FAM193A: variants seen among roughly 807,000 people sequenced by gnomAD.
The protein encoded by FAM193A is protein FAM193A.
FAM193A carries 22 observed loss-of-function variants against 126.5 expected under a neutral mutation model. That is an observed-to-expected ratio of 0.17 (90% CI 0.12 to 0.25). FAM193A has a LOEUF of 0.25. FAM193A is among the 10% of genes least tolerant of loss of function. The pLI is 1.00. For synonymous variants in FAM193A, 761 were observed against 646.8 expected, an observed-to-expected ratio of 1.18 and a Z score of -2.68; for missense variants, 1,675 against 1,672.8, an observed-to-expected ratio of 1.00 and a Z score of -0.02.
At chr4:2,659,108 C>T (rs754183173) in intron 8 of FAM193A, among the ~76,000 whole-genome samples, 17 of 152,134 alleles carry the variant, frequency 1.1e-4, no homozygotes, top group Non-Finnish European at 2.1e-4. Context: ...CAGAGTGGGT[C>T]CAGAGTTCCT....
At chr4:2,669,040 G>A (rs1477387016) in intron 12 of FAM193A, among the ~76,000 whole-genome samples, 10 of 151,766 alleles carry the variant, frequency 6.6e-5, no homozygotes, top group African/African-American at 1.9e-4. Context: ...ATGACATTTC[G>A]CCATGTTGGC....
chr4:2,653,272 T>C (rs985255570), intron 7 of FAM193A, among the ~76,000 whole-genome samples: 6 of 152,288 alleles, frequency 3.9e-5, no homozygotes, highest in East Asian at 3.9e-4. Context: ...ATTATTGCTG[T>C]TGTTCTAGGG....
chr4:2,570,860 G>T (rs1016553893), intron 1 of FAM193A, among the ~76,000 whole-genome samples: 2 of 152,180 alleles, frequency 1.3e-5, no homozygotes, highest in Non-Finnish European at 2.9e-5. Context: ...GCCTTACTCA[G>T]GTGGTCATGT....
intron 2 of FAM193A, among the ~76,000 whole-genome samples, chr4:2,612,493 C>T (rs1412659493): frequency 6.6e-6 from 1 of 151,910 alleles, no homozygotes; most frequent in Admixed American, 6.6e-5. Context: ...AGTGAGACTC[C>T]ATCTCAAAAC....
chr4:2,655,645 T>G (rs1377547140), intron 7 of FAM193A, among the ~76,000 whole-genome samples: 4 of 152,028 alleles, frequency 2.6e-5, no homozygotes, highest in Non-Finnish European at 5.9e-5. Flanking sequence ...GCCAGCTAAG[T>G]TTTGGCTTGG....
At chr4:2,657,356 CTTT>C (rs1711832919) in intron 7 of FAM193A, among the ~76,000 whole-genome samples, 2 of 152,092 alleles carry the variant, frequency 1.3e-5, no homozygotes, top group African/African-American at 2.4e-5. Context: ...CTCCTAACTT[CTTT>C]GTTAGTTTTG....
At chr4:2,566,082 C>CT (rs1738927573) in intron 1 of FAM193A, among the ~76,000 whole-genome samples, 1 of 149,956 alleles carries the variant, frequency 6.7e-6, no homozygotes. Context: ...GAGTCTCGCT[C>CT]TGTCGCCCAG....
At chr4:2,690,401 C>G (rs1023023361) in intron 14 of FAM193A, among the ~76,000 whole-genome samples, 2 of 152,226 alleles carry the variant, frequency 1.3e-5, no homozygotes, top group Non-Finnish European at 2.9e-5. Context: ...GTTGCTTGGC[C>G]TCTCTGAGCC....
intron 2 of FAM193A, among the ~76,000 whole-genome samples, chr4:2,597,431 C>G (rs560720275): frequency 5.5e-4 from 84 of 152,174 alleles, no homozygotes; most frequent in Non-Finnish European, 1.0e-3. Context: ...GCTCTTCTTC[C>G]GACTCCAGCC....
chr4:2,703,132 A>G (rs1717924649), intron 19 of FAM193A, among the ~76,000 whole-genome samples: 5 of 152,140 alleles, frequency 3.3e-5, no homozygotes, highest in Admixed American at 3.3e-4. Flanking sequence ...CAGTTCGTAG[A>G]GATTGTCCTC....
intron 18 of FAM193A, among the ~76,000 whole-genome samples, chr4:2,698,573 G>C (rs959232706): frequency 6.6e-6 from 1 of 152,166 alleles, no homozygotes; most frequent in African/African-American, 2.4e-5. Flanking sequence ...AAGTCAATTT[G>C]CCTGTTTAAA....
At chr4:2,575,850 G>C (rs2108868105) in intron 1 of FAM193A, among the ~76,000 whole-genome samples, 1 of 152,240 alleles carries the variant, frequency 6.6e-6, no homozygotes, top group South Asian at 2.1e-4. Context: ...TGGGCCCTCT[G>C]CTCTTCACTG....
intron 2 of FAM193A, among the ~76,000 whole-genome samples, chr4:2,620,956 G>C (rs1742512763): frequency 6.6e-6 from 1 of 152,018 alleles, no homozygotes; most frequent in Non-Finnish European, 1.5e-5. Flanking sequence ...ACTAACGGGA[G>C]CTTAGGGAGG....
rs557154039 is a variant in FAM193A at position 2,588,238 on chromosome 4, T to C, written c.256-7846T>C. The stretch of plus-strand genomic sequence containing the variant: ...TCCCCTTCCTCTCAACTTCCATCAT[T>C]AGGCTCAGGGACCTTGGCCCTTTCC... On this transcript the variant is annotated intron_variant, in intron 1 of 20. Transcript: ENST00000637812. Among the ~76,000 whole-genome samples the C allele has an allele frequency of 2.0e-5, 3 of 152,342 alleles. No homozygotes were observed. The East Asian group carries it at 5.8e-4, about 29-fold the overall frequency.
At chr4:2,697,367 A>G (rs1577225598) in intron 18 of FAM193A, among the ~76,000 whole-genome samples, 1 of 152,006 alleles carries the variant, frequency 6.6e-6, no homozygotes, top group Non-Finnish European at 1.5e-5. Flanking sequence ...AAAAAAGACA[A>G]CTTTTTTCTC....
intron 1 of FAM193A, among the ~76,000 whole-genome samples, chr4:2,586,810 T>C (rs897761221): frequency 5.9e-5 from 9 of 152,118 alleles, no homozygotes; most frequent in African/African-American, 1.7e-4. Flanking sequence ...CATGCCACTA[T>C]GCCTGGCTTA....
rs138268321 is a variant in FAM193A, at chr4:2,694,932, A to G, written c.3093-14A>G. ...GCCGGCCACTTGCTGATGAGCTTGTATGCGGTTTTGCAGTGACCCTGACTG... is the reference window on the plus strand; with the variant it reads ...GCCGGCCACTTGCTGATGAGCTTGTGTGCGGTTTTGCAGTGACCCTGACTG... On this transcript the variant is annotated splice_polypyrimidine_tract_variant and intron_variant, in intron 16 of 20. Coordinates refer to ENST00000637812, the MANE Select transcript of FAM193A (RefSeq NM_001366318.2). 2.1e-4 allele frequency: 336 copies of G among 1,577,556 alleles called. No homozygotes were observed. The African/African-American group carries it at 4.1e-3, about 19-fold the overall frequency.
At chr4:2,678,543 A>G (rs189960868) in intron 13 of FAM193A, among the ~76,000 whole-genome samples, 423 of 151,624 alleles carry the variant, frequency 2.8e-3, no homozygotes, top group African/African-American at 7.7e-3. Context: ...TTGTATTTTT[A>G]GTAGAGACGG....
chr4:2,715,439 A>G, intron 19 of FAM193A: 1 of 917,550 alleles, frequency 1.1e-6, no homozygotes, highest in Non-Finnish European at 1.3e-6. Flanking sequence ...ACAGAATGAG[A>G]CTTCATATAA....
Sources: allele counts gnomAD v4.1 joint callset (sites outside exome capture counted in the v4.1 genomes callset), GRCh38; gene constraint gnomAD v4.1.1; transcripts MANE v1.5; gene names NCBI Gene and HGNC (gene_info 2026-07-23, HGNC 2026-07-21).